Variants in PCDHGA3 observed in about 807,000 individuals in gnomAD.
The protein encoded by PCDHGA3 is protocadherin gamma-A3.
PCDHGA3 carries 40 observed loss-of-function variants against 58.5 expected under a neutral mutation model. The observed-to-expected ratio is 0.68, with a 90% CI of 0.53 to 0.89. The LOEUF is 0.89. Ranked by LOEUF, PCDHGA3 falls within the 40% of genes least tolerant of loss-of-function variation. The probability of loss-of-function intolerance (pLI) is 0.00; values close to 1 mark genes in which losing one functional copy is unlikely to be tolerated. For missense variants in PCDHGA3, 1,223 were observed against 1,195.9 expected (o/e 1.02, Z -0.33); for synonymous variants, 530 against 525.7 (o/e 1.01, Z -0.11).
At chr5:141,419,600 G>A (rs1304962440) in intron 1 of PCDHGA3, 3 of 1,611,816 alleles carry the variant, frequency 1.9e-6, no homozygotes, top group Non-Finnish European at 2.5e-6. Context: ...AGTGCCGCGG[G>A]CCGCGCAGCC....
Position 141,456,380 on chromosome 5 carries a change from C to T in PCDHGA3, c.2425-38427C>T, listed in dbSNP as rs186993611. ...CCATGTGTGGTTCAGTTTACAGCAC[C>T]GTTTGGAGTTTGATTGCTTCTAGGC... is the stretch of plus-strand genomic sequence containing the variant. On this transcript the variant is annotated intron_variant, in intron 1 of 3. Coordinates refer to ENST00000253812, the MANE Select transcript of PCDHGA3 (RefSeq NM_018916.4). Among the ~76,000 whole-genome samples, 427 of 152,082 alleles carry T rather than the reference C, an allele frequency of 2.8e-3. 1 individual carries two copies. Among genetic ancestry groups the T allele is most frequent in the Non-Finnish European group, 2.7e-3 (184 of 68,004 alleles).
chr5:141,344,903 G>A lies in PCDHGA3; in HGVS notation c.870G>A (p.Glu290=), dbSNP rs750934380. The change falls in exon 1 of 4, where the codon GAG becomes GAA. Residue 290 remains glutamate (E), a synonymous_variant. Transcript: ENST00000253812. ...ILDKMPGKIA[E]IFHLNSVSGE... ...ATAAAATGCCTGGGAAAATCGCTGAGATTTTCCATCTTAACTCAGTGAGTG... is the reference window on the plus strand; with the variant it reads ...ATAAAATGCCTGGGAAAATCGCTGAAATTTTCCATCTTAACTCAGTGAGTG... 6.2e-7 allele frequency: 1 copy of A among 1,613,876 alleles called. No individual in the cohort carries two copies. The highest frequency in any genetic ancestry group is 2.2e-5 in the East Asian group (1 of 44,888).
At chr5:141,401,532 A>G (rs1461153273) in intron 1 of PCDHGA3, among the ~76,000 whole-genome samples, 2 of 152,260 alleles carry the variant, frequency 1.3e-5, no homozygotes, top group Non-Finnish European at 2.9e-5. Context: ...GAAGAAACTT[A>G]CAAAAAAAAG....
At chr5:141,492,189 G>A (rs2099737936) in intron 1 of PCDHGA3, among the ~76,000 whole-genome samples, 1 of 152,204 alleles carries the variant, frequency 6.6e-6, no homozygotes, top group East Asian at 1.9e-4. Flanking sequence ...GCACCTGTCT[G>A]CGGGACTTAG....
chr5:141,403,049 T>A, intron 1 of PCDHGA3: 1 of 1,614,056 alleles, frequency 6.2e-7, no homozygotes, highest in Non-Finnish European at 8.5e-7. Context: ...TCAGATTCGC[T>A]ACTCAGTGCC....
intron 1 of PCDHGA3, chr5:141,412,158 G>A (rs188069449): frequency 1.3e-5 from 2 of 152,324 alleles, no homozygotes; most frequent in East Asian, 3.9e-4. Context: ...CCTAAGAGAA[G>A]AGATTATTTA....
intron 2 of PCDHGA3, among the ~76,000 whole-genome samples, chr5:141,500,187 TA>T (rs56304898): frequency 0.051 from 5,679 of 110,700 alleles, 126 homozygotes; most frequent in Middle Eastern, 0.14. Flanking sequence ...TTTTTATTTT[TA>T]TTTATTTATT....
At chr5:141,426,116 G>A (rs1324245739) in intron 1 of PCDHGA3, among the ~76,000 whole-genome samples, 3 of 152,232 alleles carry the variant, frequency 2.0e-5, no homozygotes, top group African/African-American at 7.2e-5. Context: ...AAGCAAGTCG[G>A]AGAGTGGCCA....
Position 141,415,491 on chromosome 5 carries a change from G to C in PCDHGA3, c.2424+69034G>C, listed in dbSNP as rs1386703838. 3.7e-6 allele frequency: 6 copies of C among 1,614,090 alleles called. No homozygotes were observed. The Admixed American group carries it at 8.3e-5, about 22-fold the overall frequency. ...CCGCGGACTCGCGAAAGAGTCACCTGATCTTCCCCCAGCCCAATTATGCGG... is the reference window on the plus strand; with the variant it reads ...CCGCGGACTCGCGAAAGAGTCACCTCATCTTCCCCCAGCCCAATTATGCGG... On this transcript the variant is annotated intron_variant, in intron 1 of 3. Coordinates refer to ENST00000253812, the MANE Select transcript of PCDHGA3 (RefSeq NM_018916.4).
chr5:141,419,037 A>G, intron 1 of PCDHGA3: 1 of 1,613,972 alleles, frequency 6.2e-7, no homozygotes, highest in Middle Eastern at 1.6e-4. Flanking sequence ...GTTCCATTTA[A>G]GATTCATTCT....
intron 1 of PCDHGA3, chr5:141,408,336 C>T: frequency 6.2e-7 from 1 of 1,613,910 alleles, no homozygotes; most frequent in Non-Finnish European, 8.5e-7. Flanking sequence ...GCCAAGGGCT[C>T]GGTGGTGGGG....
intron 3 of PCDHGA3, among the ~76,000 whole-genome samples, chr5:141,505,976 A>G (rs911235674): frequency 1.3e-5 from 2 of 152,136 alleles, no homozygotes; most frequent in Admixed American, 1.3e-4. Context: ...CCCAGCCGAG[A>G]GAACACCTCC....
intron 1 of PCDHGA3, among the ~76,000 whole-genome samples, chr5:141,443,696 T>C (rs1293017505): frequency 6.6e-6 from 1 of 152,308 alleles, no homozygotes; most frequent in Admixed American, 6.5e-5. Context: ...TCAAAAATTA[T>C]AGAATAACAT....
chr5:141,415,684 A>G, intron 1 of PCDHGA3: 2 of 1,437,842 alleles, frequency 1.4e-6, no homozygotes, highest in Non-Finnish European at 1.9e-6. Flanking sequence ...TTGCGGCATG[A>G]TGGTGGAAAG....
At chr5:141,364,618 C>T (rs373148081) in intron 1 of PCDHGA3, 2 of 1,614,140 alleles carry the variant, frequency 1.2e-6, no homozygotes, top group African/African-American at 2.7e-5. Flanking sequence ...AGGAGCTCTG[C>T]GCTCAGAGCC....
rs1024686607 is a variant in PCDHGA3, at chr5:141,487,597, T to C, written c.2425-7210T>C. 6.2e-7 allele frequency: 1 copy of C among 1,614,178 alleles called. No homozygotes were observed. The highest frequency in any genetic ancestry group is 8.5e-7 in the Non-Finnish European group (1 of 1,180,040). ...TTCGCCCAAGCTGCCCACCCTCTGA[T>C]CTTCTCTATGGGCTAGAGGTGAGAC... On this transcript the variant is annotated intron_variant, in intron 1 of 3. Coordinates refer to ENST00000253812, the MANE Select transcript of PCDHGA3 (RefSeq NM_018916.4). The surrounding 1 kb of genome is among the most constrained non-coding windows in gnomAD (Gnocchi z 5.0).
rs200765071 is a variant in PCDHGA3 at position 141,374,360 on chromosome 5, G to A, written c.2424+27903G>A. 304 of 1,613,908 alleles carry A rather than the reference G, an allele frequency of 1.9e-4. No homozygotes were observed. The highest frequency in any genetic ancestry group is 4.2e-4 in the Admixed American group (25 of 60,006). On this transcript the variant is annotated intron_variant, in intron 1 of 3. Transcript: ENST00000253812. ...GGTCACCGCGGGTAGGATAGACCGC[G>A]AGGAGCTCTGTGCTCAGAGCCCGCG...
In PCDHGA3 at chr5:141,358,705, T is replaced by G. The variant is rs1488678526; in HGVS notation, c.2424+12248T>G. On this transcript the variant is annotated intron_variant, in intron 1 of 3. Transcript: ENST00000253812. Reference sequence around the variant, plus strand: ...TATCATGACATCACTATTGAGACTTTCTTGATTTCCAAGGAAAATATAAGT... The same window carrying G: ...TATCATGACATCACTATTGAGACTTGCTTGATTTCCAAGGAAAATATAAGT... Among the ~76,000 whole-genome samples, 3 of 152,360 alleles carry G rather than the reference T, an allele frequency of 2.0e-5. No individual in the cohort carries two copies. In the East Asian group the frequency reaches 5.8e-4, roughly 29 times the overall value.
At chr5:141,399,621 C>G (rs757586675) in intron 1 of PCDHGA3, 1 of 1,613,948 alleles carries the variant, frequency 6.2e-7, no homozygotes. Context: ...TGGCACTGGC[C>G]TCTTACGTGT....
Sources: gnomAD v4.1 joint callset for allele counts (sites outside exome capture counted in the v4.1 genomes callset) on GRCh38, gnomAD v4.1.1 for gene constraint, Gnocchi (gnomAD v3.1) non-coding constraint, MANE v1.5 for transcripts, NCBI Gene and HGNC (gene_info 2026-07-23, HGNC 2026-07-21) for gene names.